CNTN5: variants seen among roughly 807,000 people sequenced by gnomAD.
CNTN5 encodes the protein contactin-5.
Under a neutral mutation model 129.1 loss-of-function variants are expected in CNTN5, and 77 were observed. That is an observed-to-expected ratio of 0.60 (90% CI 0.50 to 0.72). The LOEUF (loss-of-function observed/expected upper bound fraction) is 0.72. Ranked by LOEUF, CNTN5 falls within the 30% of genes least tolerant of loss-of-function variation. The pLI is 0.00. For synonymous variants in CNTN5, 509 were observed against 465.6 expected, an observed-to-expected ratio of 1.09 and a Z score of -1.20; for missense variants, 1,478 against 1,328.8, an observed-to-expected ratio of 1.11 and a Z score of -1.75.
rs1275202265 is a variant in CNTN5 at position 99,273,462 on chromosome 11, G to A, written c.-209-51884G>A. Among the ~76,000 whole-genome samples, 3 of 151,728 alleles carry A rather than the reference G, an allele frequency of 2.0e-5. No homozygotes were observed. The South Asian group carries it at 6.2e-4, about 31-fold the overall frequency. On this transcript the variant is annotated intron_variant, in intron 1 of 24. Transcript: ENST00000524871. The stretch of plus-strand genomic sequence containing the variant: ...AACCATTTTTCTTAGGAAATGAAAA[G>A]TACTGATTTATCCTTCTTCCTGGTG...
chr11:100,268,967 A>C (rs1950357919), intron 17 of CNTN5, among the ~76,000 whole-genome samples: 1 of 152,202 alleles, frequency 6.6e-6, no homozygotes, highest in South Asian at 2.1e-4. Flanking sequence ...TCTAGGGAAG[A>C]GGTTCATTAA....
chr11:99,852,989 A>C (rs1463035593), intron 6 of CNTN5, among the ~76,000 whole-genome samples: 1 of 152,180 alleles, frequency 6.6e-6, no homozygotes, highest in Non-Finnish European at 1.5e-5. Flanking sequence ...TCATGATAAA[A>C]CAGCAAAATA....
At chr11:99,279,219 T>C (rs1863585274) in intron 1 of CNTN5, among the ~76,000 whole-genome samples, 2 of 151,754 alleles carry the variant, frequency 1.3e-5, no homozygotes, top group African/African-American at 4.8e-5. Context: ...TTCAACTAGG[T>C]GTTTCTATTG....
At chr11:99,645,369 G>A (rs1160491894) in intron 3 of CNTN5, among the ~76,000 whole-genome samples, 2 of 149,276 alleles carry the variant, frequency 1.3e-5, no homozygotes, top group Non-Finnish European at 3.0e-5. Flanking sequence ...ATTGCCTAAT[G>A]TATATACCCA....
intron 8 of CNTN5, among the ~76,000 whole-genome samples, chr11:99,968,656 C>CTTTTTT (rs71050037): frequency 1.5e-3 from 110 of 73,916 alleles, no homozygotes; most frequent in East Asian, 2.7e-3. Context: ...GCTTTGGGTA[C>CTTTTTT]TTTTTTTTTT....
chr11:99,339,050 A>G (rs1179565972), intron 2 of CNTN5, among the ~76,000 whole-genome samples: 1 of 148,922 alleles, frequency 6.7e-6, no homozygotes, highest in Non-Finnish European at 1.5e-5. Flanking sequence ...ATTAGTCCTT[A>G]TCCCTATAGA....
intron 1 of CNTN5, among the ~76,000 whole-genome samples, chr11:99,302,940 A>G (rs974781243): frequency 7.3e-5 from 11 of 151,548 alleles, no homozygotes; most frequent in Admixed American, 6.6e-4. Context: ...TATAGCTTAT[A>G]CATATATTAG....
chr11:100,351,942 T>C (rs1408167548), intron 24 of CNTN5, among the ~76,000 whole-genome samples: 1 of 151,408 alleles, frequency 6.6e-6, no homozygotes, highest in African/African-American at 2.4e-5. Flanking sequence ...AAATGGGAGA[T>C]AAATACAGTG....
intron 3 of CNTN5, among the ~76,000 whole-genome samples, chr11:99,636,606 T>A (rs903882104): frequency 6.6e-6 from 1 of 152,054 alleles, no homozygotes; most frequent in African/African-American, 2.4e-5. Flanking sequence ...TTCCCTGGTG[T>A]CCTCCAGACC....
chr11:100,121,240 C>T (rs781479798), intron 13 of CNTN5, among the ~76,000 whole-genome samples: 6 of 151,838 alleles, frequency 4.0e-5, no homozygotes, highest in East Asian at 3.9e-4. Flanking sequence ...TACTTCTAGG[C>T]GGAACTGATG....
chr11:99,437,884 A>T (rs1943663502), intron 2 of CNTN5, among the ~76,000 whole-genome samples: 1 of 152,202 alleles, frequency 6.6e-6, no homozygotes, highest in African/African-American at 2.4e-5. Context: ...CACAGAAAAT[A>T]AAACTTCCCA....
chr11:100,266,466 C>T (rs1950304814), intron 17 of CNTN5, among the ~76,000 whole-genome samples: 1 of 151,982 alleles, frequency 6.6e-6, no homozygotes, highest in Non-Finnish European at 1.5e-5. Flanking sequence ...TCCTTAATCT[C>T]CATAATATTG....
chr11:99,392,135 G>T (rs192603837), intron 2 of CNTN5, among the ~76,000 whole-genome samples: 21 of 151,614 alleles, frequency 1.4e-4, no homozygotes, highest in African/African-American at 4.8e-4. Context: ...AGATATTTGC[G>T]TGACTATTTA....
At chr11:99,419,193 AGCACAACAGCACT>A (rs1942785057) in intron 2 of CNTN5, among the ~76,000 whole-genome samples, 1 of 152,258 alleles carries the variant, frequency 6.6e-6, no homozygotes, top group East Asian at 1.9e-4. Context: ...CACCTACCTG[AGCACAACAGCACT>A]GCACAGCCTC....
At chr11:99,443,825 G>A (rs1312899728) in intron 2 of CNTN5, among the ~76,000 whole-genome samples, 5 of 152,166 alleles carry the variant, frequency 3.3e-5, no homozygotes, top group Admixed American at 1.3e-4. Flanking sequence ...AATGCCAGTG[G>A]TGTTAAAGCT....
In CNTN5 at chr11:100,271,221, T is replaced by C; in HGVS notation, c.2294T>C (p.Met765Thr). 1 of 1,605,962 alleles carries C rather than the reference T, an allele frequency of 6.2e-7. No individual in the cohort carries two copies. Among genetic ancestry groups the C allele is most frequent in the South Asian group, 1.1e-5 (1 of 89,424 alleles). The stretch of plus-strand genomic sequence containing the variant: ...GGAGATCCAAGCACCCCATCTCGAA[T>C]GATCCGCACAAATGAAGCAGGTAAA... ...GTGDPSTPSR[M>T]IRTNEAVPKT... Residue 765 changes from methionine to threonine, a missense_variant, in exon 18 of 25, where the codon ATG (methionine) becomes ACG (threonine). Transcript: ENST00000524871.
chr11:99,322,413 A>C lies in CNTN5; in HGVS notation c.-209-2933A>C, dbSNP rs547941326. Among the ~76,000 whole-genome samples, 39 of 152,294 alleles carry C rather than the reference A, an allele frequency of 2.6e-4. 2 individuals carry two copies. In the South Asian group the frequency reaches 7.9e-3, roughly 31 times the overall value. On this transcript the variant is annotated intron_variant, in intron 1 of 24. Coordinates refer to ENST00000524871, the MANE Select transcript of CNTN5 (RefSeq NM_014361.4). ...AGAAAGAACACAAAAAATTATCAGG[A>C]AAACTTTTTTAAAAATCTCATATCT... is the stretch of plus-strand genomic sequence containing the variant.
At chr11:99,584,037 A>G (rs767825016) in intron 3 of CNTN5, among the ~76,000 whole-genome samples, 12 of 152,202 alleles carry the variant, frequency 7.9e-5, no homozygotes, top group Non-Finnish European at 1.3e-4. Context: ...TATAAAATTA[A>G]TCTCATGAAA....
intron 2 of CNTN5, among the ~76,000 whole-genome samples, chr11:99,407,147 T>C (rs1225223468): frequency 1.3e-5 from 2 of 152,120 alleles, no homozygotes; most frequent in Non-Finnish European, 2.9e-5. Context: ...CCACCACATC[T>C]GGGAATGTGC....
Sources: gnomAD v4.1 joint callset for allele counts (sites outside exome capture counted in the v4.1 genomes callset) on GRCh38, gnomAD v4.1.1 for gene constraint, MANE v1.5 for transcripts, NCBI Gene and HGNC (gene_info 2026-07-23, HGNC 2026-07-21) for gene names.